Variants in DNAH8 observed in about 807,000 individuals in gnomAD.
DNAH8 encodes axonemal beta dynein heavy chain 8.
In DNAH8, 382 loss-of-function variants were observed where a neutral mutation model predicts 562.1. The observed-to-expected ratio is 0.68, with a 90% confidence interval of 0.63 to 0.74. DNAH8 has a LOEUF of 0.74. DNAH8 is among the 30% of genes least tolerant of loss of function. The pLI is 0.00. For synonymous variants in DNAH8, 1,881 were observed against 1,919.4 expected, an observed-to-expected ratio of 0.98 and a Z score of 0.52; for missense variants, 5,203 against 5,620.4, an observed-to-expected ratio of 0.93 and a Z score of 2.37.
intron 19 of DNAH8, 87 bp from the exon 20 acceptor site, chr6:38,790,202 T>C: frequency 1.3e-6 from 1 of 786,256 alleles, no homozygotes; most frequent in South Asian, 1.5e-5. Flanking sequence ...AAATATAACA[T>C]ATAATATTTG....
chr6:38,799,783 A>G (rs13194757), intron 21 of DNAH8, among the ~76,000 whole-genome samples: 51,176 of 151,922 alleles, frequency 0.34, 9,300 homozygotes, highest in Admixed American at 0.41. Flanking sequence ...TCCCAGCCCC[A>G]AGGCAACCCC....
At chr6:39,008,499 C>T (rs974885972) in intron 88 of DNAH8, among the ~76,000 whole-genome samples, 9 of 152,096 alleles carry the variant, frequency 5.9e-5, no homozygotes, top group Admixed American at 5.2e-4. Context: ...CGCTGTTCAG[C>T]ATGAGGTGGT....
chr6:38,727,046 C>T (rs918648085), intron 3 of DNAH8, among the ~76,000 whole-genome samples: 6 of 151,588 alleles, frequency 4.0e-5, no homozygotes, highest in Admixed American at 2.0e-4. Context: ...TTAGTAGAGA[C>T]GGGGTTTCAC....
chr6:38,772,389 G>A (rs1287206125), intron 12 of DNAH8, among the ~76,000 whole-genome samples: 1 of 152,102 alleles, frequency 6.6e-6, no homozygotes, highest in Non-Finnish European at 1.5e-5. Context: ...TTTGAATTTA[G>A]CCATTCTACT....
At chr6:38,927,139 G>GA (rs1266676514) in intron 74 of DNAH8, among the ~76,000 whole-genome samples, 2 of 151,968 alleles carry the variant, frequency 1.3e-5, no homozygotes, top group Non-Finnish European at 2.9e-5. Context: ...CATCATTATA[G>GA]AAAAAAAGAA....
intron 62 of DNAH8, among the ~76,000 whole-genome samples, chr6:38,903,300 T>G (rs1780200877): frequency 6.6e-6 from 1 of 152,158 alleles, no homozygotes; most frequent in African/African-American, 2.4e-5. Flanking sequence ...CAGGAAGCTT[T>G]CAATCATGGC....
intron 92 of DNAH8, among the ~76,000 whole-genome samples, chr6:39,027,220 G>T (rs1767358045): frequency 6.6e-6 from 1 of 152,190 alleles, no homozygotes; most frequent in Non-Finnish European, 1.5e-5. Context: ...GGGTGACAGA[G>T]TGAGACCCTG....
chr6:38,880,889 G>T (rs535256110), intron 53 of DNAH8, among the ~76,000 whole-genome samples: 184 of 152,222 alleles, frequency 1.2e-3, no homozygotes, highest in African/African-American at 4.2e-3. Flanking sequence ...TCAGCTGTGC[G>T]TGGTGGCGGG....
At chr6:39,015,782 T>G (rs1341668124) in intron 91 of DNAH8, among the ~76,000 whole-genome samples, 2 of 152,232 alleles carry the variant, frequency 1.3e-5, no homozygotes, top group African/African-American at 4.8e-5. Context: ...TTCCCTTTTC[T>G]TCAGTTCTGC....
At chr6:38,958,923 G>A (rs756617815) in intron 82 of DNAH8, among the ~76,000 whole-genome samples, 11 of 152,174 alleles carry the variant, frequency 7.2e-5, no homozygotes, top group Non-Finnish European at 1.3e-4. Context: ...ATCAAACAGT[G>A]CTCCGAAAGA....
intron 37 of DNAH8, among the ~76,000 whole-genome samples, chr6:38,849,368 A>G (rs1000866232): frequency 6.6e-6 from 1 of 152,184 alleles, no homozygotes; most frequent in African/African-American, 2.4e-5. Flanking sequence ...GCAAGAAAAC[A>G]GCCTTGGGAG....
At chr6:38,838,592 G>A (rs1215737123) in intron 33 of DNAH8, among the ~76,000 whole-genome samples, 1 of 151,740 alleles carries the variant, frequency 6.6e-6, no homozygotes, top group Non-Finnish European at 1.5e-5. Flanking sequence ...GTAGAGACGG[G>A]GTTTCACCAT....
intron 11 of DNAH8, among the ~76,000 whole-genome samples, chr6:38,767,866 T>G (rs11967779): frequency 2.7e-3 from 417 of 152,348 alleles, no homozygotes; most frequent in Middle Eastern, 0.027. Flanking sequence ...CTTTTTGAGT[T>G]CCTGCCAAAC....
Position 38,783,050 on chromosome 6 carries a change from G to C in DNAH8, c.2306G>C (p.Arg769Pro). Residue 769 changes from arginine to proline, a missense_variant, in exon 17 of 93, where the codon CGT (arginine) becomes CCT (proline). Physicochemically the swap from Arg to Pro is moderately radical, Grantham distance 103 (BLOSUM62 -2). Transcript: ENST00000327475. ...LSSPDGKAVI[R>P]QYNKISYVLV... ...AGTCCGGACGGTAAAGCTGTCATCC[G>C]TCAGTATAACAAGATCTCCTATGTG... 6.2e-7 allele frequency: 1 copy of C among 1,613,714 alleles called. No homozygotes were observed. The highest frequency in any genetic ancestry group is 8.5e-7 in the Non-Finnish European group (1 of 1,179,696).
chr6:38,725,600 T>C (rs1763152900), intron 3 of DNAH8, among the ~76,000 whole-genome samples: 1 of 152,248 alleles, frequency 6.6e-6, no homozygotes, highest in Admixed American at 6.5e-5. Flanking sequence ...ACAAGAGGTG[T>C]CACAGCAAGC....
chr6:38,887,783 C>T (rs1277029173), intron 57 of DNAH8, among the ~76,000 whole-genome samples: 1 of 150,578 alleles, frequency 6.6e-6, no homozygotes. Context: ...CATATAAGAA[C>T]ATTAATTATT....
intron 81 of DNAH8, among the ~76,000 whole-genome samples, chr6:38,949,774 A>G (rs1297316226): frequency 2.6e-5 from 4 of 152,244 alleles, no homozygotes; most frequent in Non-Finnish European, 4.4e-5. Context: ...CAGTTCCTTG[A>G]CAAGCAAAAT....
chr6:39,016,291 C>T (rs1285256273), intron 91 of DNAH8, among the ~76,000 whole-genome samples: 2 of 151,954 alleles, frequency 1.3e-5, no homozygotes, highest in African/African-American at 2.4e-5. Flanking sequence ...GTGGCTCACG[C>T]GTGTAATCCC....
At chr6:38,860,405 T>C in intron 42 of DNAH8, 52 bp from the exon 43 acceptor site, 2 of 1,096,240 alleles carry the variant, frequency 1.8e-6, no homozygotes. Context: ...ATGCTTATGT[T>C]TTATGCTATT....
Sources: allele counts gnomAD v4.1 joint callset (sites outside exome capture counted in the v4.1 genomes callset), GRCh38; gene constraint gnomAD v4.1.1; transcripts MANE v1.5; gene names NCBI Gene and HGNC (gene_info 2026-07-23, HGNC 2026-07-21).